Variants in ANKS1B observed in about 807,000 individuals in gnomAD.
The protein encoded by ANKS1B is ankyrin repeat and sterile alpha motif domain-containing protein 1B.
In ANKS1B, 36 loss-of-function variants were observed where a neutral mutation model predicts 148.3. The ratio of observed to expected loss-of-function variants is 0.24; its 90% CI spans 0.19 to 0.32. The LOEUF (loss-of-function observed/expected upper bound fraction) is 0.32. Ranked by LOEUF, ANKS1B falls within the 10% of genes least tolerant of loss-of-function variation. The probability of loss-of-function intolerance (pLI) is 1.00; values close to 1 mark genes in which losing one functional copy is unlikely to be tolerated. For synonymous variants in ANKS1B, 542 were observed against 560.8 expected (o/e 0.97, Z 0.47); for missense variants, 1,157 against 1,542.6 (o/e 0.75, Z 4.19).
At chr12:99,293,816 C>T (rs1043239698) in intron 12 of ANKS1B, among the ~76,000 whole-genome samples, 1 of 152,104 alleles carries the variant, frequency 6.6e-6, no homozygotes, top group Non-Finnish European at 1.5e-5. Flanking sequence ...GGAGCTCAAA[C>T]GACTCTATAG....
At chr12:99,387,312 T>A (rs114746228) in intron 12 of ANKS1B, among the ~76,000 whole-genome samples, 1 of 152,246 alleles carries the variant, frequency 6.6e-6, no homozygotes, top group African/African-American at 2.4e-5. Flanking sequence ...ATGAAGGCGA[T>A]TAGTGCCCTT....
chr12:99,665,315 G>C (rs762550403), intron 8 of ANKS1B, among the ~76,000 whole-genome samples: 1 of 152,204 alleles, frequency 6.6e-6, no homozygotes, highest in Admixed American at 6.5e-5. Flanking sequence ...TAGAGTTATC[G>C]CAATAGTATG....
At chr12:99,299,698 T>A (rs1487869164) in intron 12 of ANKS1B, among the ~76,000 whole-genome samples, 2 of 152,210 alleles carry the variant, frequency 1.3e-5, no homozygotes, top group Non-Finnish European at 2.9e-5. Flanking sequence ...ACAATAGAAG[T>A]TAGGACATAT....
chr12:99,651,006 G>C (rs182987285), intron 9 of ANKS1B, among the ~76,000 whole-genome samples: 246 of 152,170 alleles, frequency 1.6e-3, no homozygotes, highest in African/African-American at 5.7e-3. Context: ...AAAGATATTT[G>C]ATACATGTTT....
At chr12:99,608,771 C>G (rs1379630814) in intron 9 of ANKS1B, among the ~76,000 whole-genome samples, 1 of 151,986 alleles carries the variant, frequency 6.6e-6, no homozygotes, top group East Asian at 1.9e-4. Flanking sequence ...TTCAAGGGGT[C>G]TCAGAGTCTT....
At chr12:99,689,578 T>A (rs528330247) in intron 8 of ANKS1B, among the ~76,000 whole-genome samples, 14 of 152,260 alleles carry the variant, frequency 9.2e-5, no homozygotes, top group Non-Finnish European at 2.1e-4. Context: ...TTAGCTCAAG[T>A]TAATCAAAAG....
chr12:98,838,407 A>C (rs2099387431), intron 17 of ANKS1B, among the ~76,000 whole-genome samples: 1 of 152,032 alleles, frequency 6.6e-6, no homozygotes, highest in African/African-American at 2.4e-5. Flanking sequence ...GGCTGGACCA[A>C]CTCCTGGGAA....
At chr12:99,424,626 CACACACACACACACACACACAT>C (rs901432423) in intron 11 of ANKS1B, among the ~76,000 whole-genome samples, 1 of 149,454 alleles carries the variant, frequency 6.7e-6, no homozygotes, top group African/African-American at 2.5e-5. Flanking sequence ...AGCAGAAACA[CACACACACACACACACACACAT>C]ACACACACAC....
At chr12:99,173,926 T>C (rs1342116040) in intron 14 of ANKS1B, among the ~76,000 whole-genome samples, 3 of 152,194 alleles carry the variant, frequency 2.0e-5, no homozygotes, top group African/African-American at 4.8e-5. Context: ...GATGGCTGCA[T>C]TGATTCTTAG....
intron 12 of ANKS1B, among the ~76,000 whole-genome samples, chr12:99,276,164 T>A (rs2077641607): frequency 6.6e-6 from 1 of 152,208 alleles, no homozygotes; most frequent in Non-Finnish European, 1.5e-5. Context: ...ATGAGGTTTA[T>A]TACTTTTTGA....
chr12:98,745,923 C>A (rs750107594), intron 26 of ANKS1B, 74 bp from the exon 27 acceptor site: 2 of 1,500,860 alleles, frequency 1.3e-6, no homozygotes, highest in Admixed American at 4.4e-5. Flanking sequence ...ACGCCGCTGG[C>A]GAACCCACGC....
At chr12:99,678,220 T>C (rs2098593044) in intron 8 of ANKS1B, among the ~76,000 whole-genome samples, 1 of 152,208 alleles carries the variant, frequency 6.6e-6, no homozygotes, top group South Asian at 2.1e-4. Flanking sequence ...ACTATAGTTC[T>C]ATAAATGTTA....
intron 8 of ANKS1B, among the ~76,000 whole-genome samples, chr12:99,664,763 A>T (rs2098497563): frequency 6.6e-6 from 1 of 152,190 alleles, no homozygotes; most frequent in Non-Finnish European, 1.5e-5. Flanking sequence ...ATAGTAGCAT[A>T]TACACTTTAT....
intron 17 of ANKS1B, 93 bp from the exon 18 acceptor site, chr12:98,832,229 A>G (rs761918670): frequency 1.9e-4 from 195 of 1,000,790 alleles, no homozygotes; most frequent in Non-Finnish European, 2.8e-4. Context: ...AGATTTGTGC[A>G]AAGTTACTCC....
chr12:99,911,608 A>T (rs771862729), intron 1 of ANKS1B, among the ~76,000 whole-genome samples: 3 of 152,196 alleles, frequency 2.0e-5, no homozygotes, highest in Non-Finnish European at 4.4e-5. Context: ...GATATCACCC[A>T]TTAGCAATAT....
chr12:99,188,497 C>G (rs999063862), intron 14 of ANKS1B, among the ~76,000 whole-genome samples: 2 of 152,206 alleles, frequency 1.3e-5, no homozygotes, highest in Non-Finnish European at 2.9e-5. Flanking sequence ...CAAACAGTCT[C>G]TCAGACCACA....
chr12:99,895,973 T>C (rs1682891980), intron 1 of ANKS1B, among the ~76,000 whole-genome samples: 1 of 151,284 alleles, frequency 6.6e-6, no homozygotes, highest in South Asian at 2.1e-4. Context: ...TTTTTAATTG[T>C]ATCTCTTTAA....
chr12:99,255,886 C>T (rs193108734), intron 12 of ANKS1B, among the ~76,000 whole-genome samples: 32 of 152,216 alleles, frequency 2.1e-4, no homozygotes, highest in African/African-American at 7.7e-4. Context: ...CTTTTTGTGA[C>T]TGTTTCATGA....
At chr12:99,326,593 T>C (rs749106692) in intron 12 of ANKS1B, among the ~76,000 whole-genome samples, 5 of 152,124 alleles carry the variant, frequency 3.3e-5, no homozygotes, top group Non-Finnish European at 5.9e-5. Context: ...CATTGTTAAA[T>C]TCCCAGTACA....
Sources: allele counts gnomAD v4.1 joint callset (sites outside exome capture counted in the v4.1 genomes callset), GRCh38; gene constraint gnomAD v4.1.1; transcripts MANE v1.5; gene names NCBI Gene and HGNC (gene_info 2026-07-23, HGNC 2026-07-21).